AGBL4: variants seen among roughly 807,000 people sequenced by gnomAD.
The protein encoded by AGBL4 is cytosolic carboxypeptidase 6.
A neutral mutation model predicts 66.4 loss-of-function variants in AGBL4; 58 were observed. The ratio of observed to expected loss-of-function variants is 0.87; its 90% confidence interval spans 0.71 to 1.09. The LOEUF is 1.09. Ranked by LOEUF, AGBL4 falls within the 50% of genes least tolerant of loss-of-function variation. The pLI is 0.00. For synonymous variants in AGBL4, 234 were observed against 222.9 expected, an observed-to-expected ratio of 1.05 and a Z score of -0.44; for missense variants, 579 against 631.0, an observed-to-expected ratio of 0.92 and a Z score of 0.88.
chr1:48,884,578 A>C (rs900106757), intron 5 of AGBL4, among the ~76,000 whole-genome samples: 1 of 152,124 alleles, frequency 6.6e-6, no homozygotes, highest in Non-Finnish European at 1.5e-5. Context: ...ACAATTGTCC[A>C]TTGCTTCCTT....
chr1:49,582,436 G>A (rs572491273), intron 3 of AGBL4, among the ~76,000 whole-genome samples: 1 of 152,226 alleles, frequency 6.6e-6, no homozygotes, highest in African/African-American at 2.4e-5. Flanking sequence ...GTCAGATGAG[G>A]TAGTTCATGC....
chr1:49,852,943 A>G (rs1646341801), intron 1 of AGBL4, among the ~76,000 whole-genome samples: 1 of 152,182 alleles, frequency 6.6e-6, no homozygotes. Flanking sequence ...AAACTCAAAC[A>G]CACCTGAACT....
intron 4 of AGBL4, among the ~76,000 whole-genome samples, chr1:49,185,696 C>G (rs932885990): frequency 6.6e-6 from 1 of 152,130 alleles, no homozygotes; most frequent in Admixed American, 6.6e-5. Context: ...TCACACCTCC[C>G]TGCTTCATGA....
At chr1:48,884,569 C>T (rs1159207824) in intron 5 of AGBL4, among the ~76,000 whole-genome samples, 3 of 152,164 alleles carry the variant, frequency 2.0e-5, no homozygotes, top group Non-Finnish European at 2.9e-5. Flanking sequence ...AAGACAGTGA[C>T]AATTGTCCAT....
At chr1:48,688,059 T>TC (rs1321202310) in intron 6 of AGBL4, among the ~76,000 whole-genome samples, 2 of 151,846 alleles carry the variant, frequency 1.3e-5, no homozygotes, top group African/African-American at 2.4e-5. Context: ...TACTGCTGTA[T>TC]CCCCCAAACC....
rs575956022 is a variant in AGBL4 at position 50,020,329 on chromosome 1, A to C, written c.34+3434T>G. On this transcript the variant is annotated intron_variant, in intron 1 of 13. Transcript: ENST00000371839. Reference sequence around the variant, plus strand: ...TTTTTTATATTCAAGCTTCAAGTGAACTACGGACATAACATTTATTGGACA... The same window carrying C: ...TTTTTTATATTCAAGCTTCAAGTGACCTACGGACATAACATTTATTGGACA... Among the ~76,000 whole-genome samples, 21 of 152,236 alleles carry C rather than the reference A, an allele frequency of 1.4e-4. No individual in the cohort carries two copies. In the South Asian group the frequency reaches 2.7e-3, roughly 20 times the overall value.
intron 9 of AGBL4, among the ~76,000 whole-genome samples, chr1:48,617,417 C>A (rs576677162): frequency 6.6e-6 from 1 of 152,196 alleles, no homozygotes; most frequent in Middle Eastern, 3.2e-3. Context: ...CCACAAACCT[C>A]TAACAGTTGC....
intron 3 of AGBL4, among the ~76,000 whole-genome samples, chr1:49,259,939 G>A (rs199571551): frequency 0.29 from 43,991 of 149,316 alleles, 6,677 homozygotes; most frequent in East Asian, 0.69. Context: ...TAAAAGAACA[G>A]AGATTATAAC....
intron 5 of AGBL4, among the ~76,000 whole-genome samples, chr1:48,939,360 T>G (rs1655753840): frequency 6.6e-6 from 1 of 152,238 alleles, no homozygotes; most frequent in South Asian, 2.1e-4. Flanking sequence ...TGATCTGATT[T>G]GTACAGCGAT....
chr1:48,581,862 G>C (rs1557803699), intron 11 of AGBL4, among the ~76,000 whole-genome samples: 1 of 152,214 alleles, frequency 6.6e-6, no homozygotes, highest in Admixed American at 6.5e-5. Context: ...GTCTCAGCGA[G>C]AATGACGCAA....
At chr1:48,526,785 C>G in the AGBL4 span, among the ~76,000 whole-genome samples, 1 of 152,118 alleles carries the variant, frequency 6.6e-6, no homozygotes, top group African/African-American at 2.4e-5. Context: ...ACCACACCAG[C>G]AACAATTGTT....
chr1:49,111,103 A>G (rs1484500909), intron 4 of AGBL4, among the ~76,000 whole-genome samples: 1 of 138,072 alleles, frequency 7.2e-6, no homozygotes, highest in Non-Finnish European at 1.5e-5. Flanking sequence ...GTTTCCTTTC[A>G]ATTCGTTGAA....
chr1:48,534,835 A>G (rs1643942310), intron 13 of AGBL4, 55 bp downstream of exon 13: 2 of 1,513,950 alleles, frequency 1.3e-6, no homozygotes, highest in Admixed American at 2.0e-5. Flanking sequence ...ACAGCCCTGG[A>G]GCACATGCAT....
At chr1:48,543,519 G>C (rs1644110454) in intron 11 of AGBL4, among the ~76,000 whole-genome samples, 1 of 152,172 alleles carries the variant, frequency 6.6e-6, no homozygotes, top group African/African-American at 2.4e-5. Flanking sequence ...AGGGGTCTTG[G>C]TAGGTCATAG....
At chr1:49,254,673 T>A (rs1483320300) in intron 3 of AGBL4, among the ~76,000 whole-genome samples, 1 of 152,138 alleles carries the variant, frequency 6.6e-6, no homozygotes, top group Non-Finnish European at 1.5e-5. Context: ...AATTTTAAAA[T>A]TCCTGTGGAA....
At position 48,969,406 on chromosome 1, in the gene AGBL4, T is replaced by C. The variant is rs1324683392; in HGVS notation, c.594+76178A>G. 3.9e-5 allele frequency among the ~76,000 whole-genome samples: 6 copies of C among 152,200 alleles called. No individual in the cohort carries two copies. The East Asian group carries it at 1.2e-3, about 29-fold the overall frequency. On this transcript the variant is annotated intron_variant, in intron 5 of 13. Transcript: ENST00000371839. ...CAGTTCTCCCTGCCATTTAATTGGC[T>C]ACTTTATTCCTCTTAAATCTTGTTG...
At chr1:49,149,663 A>C (rs1453420903) in intron 4 of AGBL4, among the ~76,000 whole-genome samples, 1 of 152,180 alleles carries the variant, frequency 6.6e-6, no homozygotes, top group Non-Finnish European at 1.5e-5. Flanking sequence ...GCATTTGTGT[A>C]CATCATTAAA....
At chr1:49,988,141 T>C (rs971159233) in intron 1 of AGBL4, among the ~76,000 whole-genome samples, 8 of 152,108 alleles carry the variant, frequency 5.3e-5, no homozygotes, top group African/African-American at 1.9e-4. Context: ...AGAGAAAATA[T>C]GAAAACATAT....
chr1:49,733,037 A>C lies in AGBL4; in HGVS notation c.158-35600T>G, dbSNP rs545280316. On this transcript the variant is annotated intron_variant, in intron 2 of 13. Coordinates refer to ENST00000371839, the MANE Select transcript of AGBL4 (RefSeq NM_032785.4). ...AAATATTAAAAAGGAAAAAAATTAA[A>C]AAGGGGAAATAACTTATCACATACA... Among the ~76,000 whole-genome samples the C allele has an allele frequency of 2.0e-5, 3 of 152,324 alleles. No individual in the cohort carries two copies. The East Asian group carries it at 5.8e-4, about 29-fold the overall frequency.
Sources: gnomAD v4.1 joint callset for allele counts (sites outside exome capture counted in the v4.1 genomes callset) on GRCh38, gnomAD v4.1.1 for gene constraint, MANE v1.5 for transcripts, NCBI Gene and HGNC (gene_info 2026-07-23, HGNC 2026-07-21) for gene names.